NUTF2: variants seen among roughly 807,000 people sequenced by gnomAD.
The protein encoded by NUTF2 is nuclear transport factor 2.
In NUTF2, 3 loss-of-function variants were observed where a neutral mutation model predicts 18.5. That is an observed-to-expected ratio of 0.16 (90% CI 0.07 to 0.42). The LOEUF (loss-of-function observed/expected upper bound fraction) is 0.42. Ranked by LOEUF, NUTF2 falls within the 10% of genes least tolerant of loss-of-function variation. NUTF2 has a pLI of 0.99. For missense variants in NUTF2, 44 were observed against 160.7 expected (o/e 0.27, Z 3.93); for synonymous variants, 51 against 57.9 (o/e 0.88, Z 0.54).
chr16:67,871,781 G>A lies in NUTF2; in HGVS notation c.*868G>A, dbSNP rs1229355203. On this transcript the variant is annotated 3_prime_UTR_variant, in exon 5 of 5. Transcript: ENST00000219169. ...CCAGAAGGATCAGGATCATATCCAG[G>A]ATGCCCCACATACACCAAGCCAGGC... The A allele has an allele frequency of 6.6e-6, 1 of 152,260 alleles. No individual in the cohort carries two copies. The highest frequency in any genetic ancestry group is 1.9e-4 in the East Asian group (1 of 5,198). The allele number at this position is 152,260 out of a possible 1,614,324, so 9.4% of individuals were successfully genotyped here.
intron 1 of NUTF2, among the ~76,000 whole-genome samples, chr16:67,856,937 C>A (rs978241076): frequency 6.6e-6 from 1 of 152,230 alleles, no homozygotes; most frequent in African/African-American, 2.4e-5. Flanking sequence ...ATCATACCAG[C>A]TTCACAGGGC....
At position 67,871,184 on chromosome 16, in the gene NUTF2, T is replaced by A. The variant is rs79621029; in HGVS notation, c.*271T>A. On this transcript the variant is annotated 3_prime_UTR_variant, in exon 5 of 5. Transcript: ENST00000219169. Reference sequence around the variant, plus strand: ...GTCCTTTTTTTTTTTTTTTTTTTTTTAATCTACTGACAAGTTGCTCTAGTA... The same window carrying A: ...GTCCTTTTTTTTTTTTTTTTTTTTTAAATCTACTGACAAGTTGCTCTAGTA... 3 of 288,804 alleles carry A rather than the reference T, an allele frequency of 1.0e-5. No homozygotes were observed. Among genetic ancestry groups the A allele is most frequent in the Non-Finnish European group, 1.3e-5 (2 of 158,358 alleles). The allele number at this position is 288,804 out of a possible 1,614,324, so 17.9% of individuals were successfully genotyped here. A position where few individuals can be genotyped will look rare whatever the true frequency, so the allele number is the denominator to read the frequency against.
chr16:67,866,350 A>G (rs1207817526), intron 2 of NUTF2, among the ~76,000 whole-genome samples: 2 of 151,278 alleles, frequency 1.3e-5, no homozygotes, highest in African/African-American at 4.9e-5. Context: ...TCTGTCAACA[A>G]AGCTGGTGTG....
intron 1 of NUTF2, chr16:67,847,924 A>G (rs941651599): frequency 1.3e-5 from 2 of 152,218 alleles, no homozygotes; most frequent in Non-Finnish European, 2.9e-5. Context: ...GGGGTGGGGC[A>G]CGTAGATTTC....
chr16:67,870,952 C>G lies in NUTF2; in HGVS notation c.*39C>G. Reference sequence around the variant, plus strand: ...AGGCACTCACGCTGTTTCCTCCTCCCTCCTCTTCCCAATACTATTCCCACT... The same window carrying G: ...AGGCACTCACGCTGTTTCCTCCTCCGTCCTCTTCCCAATACTATTCCCACT... On this transcript the variant is annotated 3_prime_UTR_variant, in exon 5 of 5. Transcript: ENST00000219169. 1.4e-6 allele frequency: 2 copies of G among 1,398,302 alleles called. No homozygotes were observed. The highest frequency in any genetic ancestry group is 2.0e-6 in the Non-Finnish European group (2 of 983,564). The allele number at this position is 1,398,302 out of a possible 1,614,324, so 86.6% of individuals were successfully genotyped here.
Position 67,868,496 on chromosome 16 carries a change from T to G in NUTF2, c.172-5T>G, listed in dbSNP as rs755007489. 1 of 1,613,496 alleles carries G rather than the reference T, an allele frequency of 6.2e-7. No homozygotes were observed. Among genetic ancestry groups the G allele is most frequent in the South Asian group, 1.1e-5 (1 of 91,082 alleles). On this transcript the variant is annotated splice_region_variant and splice_polypyrimidine_tract_variant and intron_variant, in intron 3 of 4. Transcript: ENST00000219169. ...TTCTCCCACCTCCCACTCTCTCTCT[T>G]GTAGAGCCTTCCGTTCCAGAAAATT...
chr16:67,864,395 G>C (rs1427773371), intron 1 of NUTF2, among the ~76,000 whole-genome samples: 1 of 151,748 alleles, frequency 6.6e-6, no homozygotes, highest in Non-Finnish European at 1.5e-5. Context: ...TGTAATCCCA[G>C]CTACTCTGGA....
At chr16:67,847,059 C>T (rs1598153697) in intron 1 of NUTF2, 74 bp downstream of exon 1, 1 of 151,230 alleles carries the variant, frequency 6.6e-6, no homozygotes, top group Non-Finnish European at 1.5e-5. Context: ...CGGGAGGCTC[C>T]GCTGAGAGTC....
intron 1 of NUTF2, among the ~76,000 whole-genome samples, chr16:67,851,417 G>A (rs371726874): frequency 1.3e-5 from 2 of 150,926 alleles, no homozygotes; most frequent in South Asian, 2.1e-4. Context: ...GGAGGCGGAC[G>A]TTGCAGTGAG....
At chr16:67,858,038 G>C (rs2057909300) in intron 1 of NUTF2, among the ~76,000 whole-genome samples, 1 of 152,238 alleles carries the variant, frequency 6.6e-6, no homozygotes, top group African/African-American at 2.4e-5. Context: ...CATGGGAACA[G>C]GGATGACTAG....
In NUTF2 at chr16:67,871,442, T is replaced by G. The variant is rs1567386930; in HGVS notation, c.*529T>G. 2 of 152,676 alleles carry G rather than the reference T, an allele frequency of 1.3e-5. No individual in the cohort carries two copies. The highest frequency in any genetic ancestry group is 3.8e-4 in the East Asian group (2 of 5,198). 9.5% of individuals were successfully genotyped at this position (152,676 alleles called of 1,614,324 possible). ...CTGAATACCTGTTGCAGGGAGAAAC[T>G]GCTGAAGCAGCACTCCCAGCTAGCC... is the stretch of plus-strand genomic sequence containing the variant. On this transcript the variant is annotated 3_prime_UTR_variant, in exon 5 of 5. Transcript: ENST00000219169.
chr16:67,852,787 C>T (rs995037822), intron 1 of NUTF2, among the ~76,000 whole-genome samples: 6 of 152,154 alleles, frequency 3.9e-5, no homozygotes, highest in Admixed American at 6.6e-5. Context: ...TCTAGCGATT[C>T]TCTTGCCTCA....
At chr16:67,867,125 C>T (rs2057978854) in intron 2 of NUTF2, among the ~76,000 whole-genome samples, 5 of 151,978 alleles carry the variant, frequency 3.3e-5, no homozygotes, top group Admixed American at 3.3e-4. Flanking sequence ...GCACGCACCA[C>T]CATGCCCAGC....
intron 2 of NUTF2, among the ~76,000 whole-genome samples, chr16:67,866,308 T>C (rs2057971453): frequency 6.8e-6 from 1 of 147,948 alleles, no homozygotes; most frequent in Non-Finnish European, 1.5e-5. Flanking sequence ...ATAGTAGAGT[T>C]TTTTTTTTTT....
intron 4 of NUTF2, among the ~76,000 whole-genome samples, chr16:67,869,568 C>T (rs910784007): frequency 2.0e-5 from 3 of 151,386 alleles, no homozygotes; most frequent in Non-Finnish European, 4.4e-5. Flanking sequence ...GGCAGATTAC[C>T]TGAGGTCAGG....
intron 1 of NUTF2, among the ~76,000 whole-genome samples, chr16:67,849,359 C>T (rs117298895): frequency 6.6e-6 from 1 of 152,116 alleles, no homozygotes; most frequent in African/African-American, 2.4e-5. Context: ...GTTTTTCTCT[C>T]GAGACGGAGT....
chr16:67,862,939 T>C (rs993856935), intron 1 of NUTF2, among the ~76,000 whole-genome samples: 1 of 152,198 alleles, frequency 6.6e-6, no homozygotes, highest in Non-Finnish European at 1.5e-5. Context: ...GTGGCCCTTA[T>C]CCATTCCTCC....
chr16:67,852,094 A>G (rs1341199916), intron 1 of NUTF2, among the ~76,000 whole-genome samples: 3 of 152,272 alleles, frequency 2.0e-5, no homozygotes, highest in Admixed American at 6.5e-5. Context: ...AAGCTGGAGC[A>G]TTGCTTGAGG....
intron 1 of NUTF2, among the ~76,000 whole-genome samples, chr16:67,860,993 A>C (rs2057931550): frequency 6.6e-6 from 1 of 152,182 alleles, no homozygotes; most frequent in Non-Finnish European, 1.5e-5. Flanking sequence ...CTTTGTTTGG[A>C]GGTGGAAGCC....
Sources: allele counts gnomAD v4.1 joint callset (sites outside exome capture counted in the v4.1 genomes callset), GRCh38; gene constraint gnomAD v4.1.1; transcripts MANE v1.5; gene names NCBI Gene and HGNC (gene_info 2026-07-23, HGNC 2026-07-21).